Variants in OR51B5 observed in about 807,000 individuals in gnomAD.
The protein encoded by OR51B5 is olfactory receptor family 51 subfamily B member 5.
For missense variants in OR51B5, 456 were observed against 374.6 expected (o/e 1.22, Z -1.79); for synonymous variants, 186 against 144.8 (o/e 1.28, Z -2.04).
intron 1 of OR51B5, chr11:5,352,428 G>A (rs1212027557): frequency 6.3e-7 from 1 of 1,596,988 alleles, no homozygotes; most frequent in South Asian, 1.1e-5. Flanking sequence ...TATTCTCTCT[G>A]CCTCACTCTA....
intron 1 of OR51B5, chr11:5,430,751 C>T (rs777442716): frequency 6.6e-6 from 3 of 456,896 alleles, no homozygotes; most frequent in South Asian, 3.1e-5. Flanking sequence ...ACAGGTGGCA[C>T]CAAAAGGCAG....
At chr11:5,387,384 A>T (rs925349927) in intron 1 of OR51B5, among the ~76,000 whole-genome samples, 2 of 152,030 alleles carry the variant, frequency 1.3e-5, no homozygotes, top group South Asian at 2.1e-4. Flanking sequence ...AGTGGGTTTT[A>T]AAAAAAACAT....
At chr11:5,395,404 C>A (rs1209812712) in intron 1 of OR51B5, among the ~76,000 whole-genome samples, 1 of 152,098 alleles carries the variant, frequency 6.6e-6, no homozygotes, top group Non-Finnish European at 1.5e-5. Context: ...TCTCTAATAT[C>A]CCTTATCTAG....
At position 5,399,333 on chromosome 11, in the gene OR51B5, C is replaced by A. The variant is rs994023249; in HGVS notation, n.85-52423G>T. 2.0e-5 allele frequency among the ~76,000 whole-genome samples: 3 copies of A among 152,142 alleles called. No individual in the cohort carries two copies. In the South Asian group the frequency reaches 6.2e-4, roughly 32 times the overall value. ...TTGGAAATAAGCTGACTGTGATTGA[C>A]TCCTGAGAATTCCTGAAAGAGATAT... On this transcript the variant is annotated intron_variant and non_coding_transcript_variant, in intron 1 of 4. Transcript: ENST00000415970.
chr11:5,442,528 C>G (rs143107234), intron 1 of OR51B5, among the ~76,000 whole-genome samples: 2 of 152,100 alleles, frequency 1.3e-5, no homozygotes, highest in African/African-American at 4.8e-5. Context: ...ACTATTCCAT[C>G]ATAAAGATGC....
downstream of OR51B5, chr11:5,340,595 TAGA>T (rs1357979039): frequency 1.3e-5 from 2 of 151,426 alleles, no homozygotes; most frequent in Non-Finnish European, 2.9e-5. Context: ...ATTTTTGGAG[TAGA>T]AGGAGGAGAA....
At chr11:5,408,286 C>G (rs990180282) in intron 1 of OR51B5, among the ~76,000 whole-genome samples, 1 of 151,976 alleles carries the variant, frequency 6.6e-6, no homozygotes, top group Non-Finnish European at 1.5e-5. Context: ...CTTATTTTAT[C>G]CCATGTATTA....
rs573010747 is a variant in OR51B5, at chr11:5,406,990, G to A, written n.85-60080C>T. On this transcript the variant is annotated intron_variant and non_coding_transcript_variant, in intron 1 of 4. Transcript: ENST00000415970. Reference sequence around the variant, plus strand: ...CCTTTTCTAGTAAATAACACAACTAGCCCAAAACCACAAAATTAATGATTT... The same window carrying A: ...CCTTTTCTAGTAAATAACACAACTAACCCAAAACCACAAAATTAATGATTT... 3.9e-5 allele frequency among the ~76,000 whole-genome samples: 6 copies of A among 152,098 alleles called. No individual in the cohort carries two copies. In the East Asian group the frequency reaches 1.2e-3, roughly 29 times the overall value.
chr11:5,403,081 T>C lies in OR51B5; in HGVS notation n.85-56171A>G, dbSNP rs199512997. 131 of 471,650 alleles carry C rather than the reference T, an allele frequency of 2.8e-4. 4 individuals are homozygous for C. The highest frequency in any genetic ancestry group is 1.9e-3 in the South Asian group (121 of 64,574). 29.2% of individuals were successfully genotyped at this position (471,650 alleles called of 1,614,324 possible). A position where few individuals can be genotyped will look rare whatever the true frequency, so the allele number is the denominator to read the frequency against. On this transcript the variant is annotated intron_variant and non_coding_transcript_variant, in intron 1 of 4. Coordinates refer to the OR51B5 transcript ENST00000415970. ...GAAAAGCATTATGCTCATGGCTCCG[T>C]TGCCCATTCTCTTATGGCGTCTGCC...
At chr11:5,474,571 C>A (rs1053005002) in intron 1 of OR51B5, among the ~76,000 whole-genome samples, 1 of 152,074 alleles carries the variant, frequency 6.6e-6, no homozygotes, top group Admixed American at 6.5e-5. Flanking sequence ...TGTAGTTAAG[C>A]CTTTTCCTCT....
At chr11:5,500,148 G>A (rs555679888) in intron 1 of OR51B5, among the ~76,000 whole-genome samples, 5 of 152,200 alleles carry the variant, frequency 3.3e-5, no homozygotes, top group East Asian at 3.9e-4. Flanking sequence ...GGGGATCTAC[G>A]CCCACCTACT....
intron 1 of OR51B5, among the ~76,000 whole-genome samples, chr11:5,445,015 T>C (rs186290436): frequency 7.9e-5 from 12 of 152,298 alleles, no homozygotes; most frequent in African/African-American, 2.6e-4. Flanking sequence ...ACATTCACAT[T>C]GCCTCATTCA....
chr11:5,423,234 A>T, intron 1 of OR51B5: 4 of 1,423,542 alleles, frequency 2.8e-6, no homozygotes, highest in Non-Finnish European at 3.7e-6. Flanking sequence ...GGAAACTATA[A>T]AATAAAACTT....
At chr11:5,375,330 G>A (rs1010428849) in intron 1 of OR51B5, among the ~76,000 whole-genome samples, 4 of 151,408 alleles carry the variant, frequency 2.6e-5, no homozygotes, top group East Asian at 1.9e-4. Flanking sequence ...GCTCCTGAAG[G>A]AAGCACTAAA....
At chr11:5,494,565 C>G (rs984158852) in intron 1 of OR51B5, among the ~76,000 whole-genome samples, 2 of 152,110 alleles carry the variant, frequency 1.3e-5, no homozygotes, top group African/African-American at 2.4e-5. Flanking sequence ...TAACAATAAT[C>G]AACTTGCCAA....
At chr11:5,471,872 G>T (rs1055756185) in intron 1 of OR51B5, among the ~76,000 whole-genome samples, 1 of 152,044 alleles carries the variant, frequency 6.6e-6, no homozygotes, top group Admixed American at 6.6e-5. Flanking sequence ...AGTAAACATT[G>T]AAGGTGCTTA....
At chr11:5,457,640 T>C (rs963884780) in intron 1 of OR51B5, among the ~76,000 whole-genome samples, 3 of 152,214 alleles carry the variant, frequency 2.0e-5, no homozygotes, top group Non-Finnish European at 4.4e-5. Context: ...GTAATTTTTT[T>C]ACTTTTTAGT....
rs558044662 is a variant in OR51B5 at position 5,471,277 on chromosome 11, T to C, written n.84+34292A>G. ...ATTTTATTCTCAATGCTTAGGCAAGTGACAGGGCATAGAGAGCCCTAGACT... is the reference window on the plus strand; with the variant it reads ...ATTTTATTCTCAATGCTTAGGCAAGCGACAGGGCATAGAGAGCCCTAGACT... On this transcript the variant is annotated intron_variant and non_coding_transcript_variant, in intron 1 of 4. Transcript: ENST00000415970. Among the ~76,000 whole-genome samples, 5 of 152,336 alleles carry C rather than the reference T, an allele frequency of 3.3e-5. No individual in the cohort carries two copies. The East Asian group carries it at 9.6e-4, about 29-fold the overall frequency.
intron 1 of OR51B5, chr11:5,505,352 T>C: frequency 7.7e-7 from 1 of 1,304,094 alleles, no homozygotes; most frequent in African/African-American, 1.5e-5. Flanking sequence ...AGAACTCACC[T>C]CATGAACGGA....
Sources: allele counts gnomAD v4.1 joint callset (sites outside exome capture counted in the v4.1 genomes callset), GRCh38; gene constraint gnomAD v4.1.1; transcripts MANE v1.5; gene names NCBI Gene and HGNC (gene_info 2026-07-23, HGNC 2026-07-21).